The following RCOR3 variants were observed in gnomAD, a reference collection of about 807,000 sequenced individuals.
RCOR3 encodes the protein REST corepressor 3.
RCOR3 carries 13 observed loss-of-function variants against 64.1 expected under a neutral mutation model. The ratio of observed to expected loss-of-function variants is 0.20; its 90% CI spans 0.13 to 0.32. The LOEUF is 0.32. Among genes scored for constraint, RCOR3 ranks in the 10% least tolerant of loss-of-function variants. RCOR3 has a pLI of 1.00. For missense variants in RCOR3, 489 were observed against 701.2 expected (o/e 0.70, Z 3.42); for synonymous variants, 215 against 239.0 (o/e 0.90, Z 0.93).
In RCOR3 at chr1:211,313,936, A is replaced by G. The variant is rs1262047167; in HGVS notation, c.*168A>G. 4 of 649,848 alleles carry G rather than the reference A, an allele frequency of 6.2e-6. No homozygotes were observed. The highest frequency in any genetic ancestry group is 3.0e-5 in the Admixed American group (1 of 33,254). 40.3% of individuals were successfully genotyped at this position (649,848 alleles called of 1,614,324 possible). Reference sequence around the variant, plus strand: ...GGATGTCTAAGAAATTTTTCAGTTCACTAGACTAAAATGTTTTACAACAAA... The same window carrying G: ...GGATGTCTAAGAAATTTTTCAGTTCGCTAGACTAAAATGTTTTACAACAAA... On this transcript the variant is annotated 3_prime_UTR_variant, in exon 12 of 12. Coordinates refer to ENST00000419091, the MANE Select transcript of RCOR3 (RefSeq NM_001136223.3). This position sits in a 1 kb window ranked among gnomAD's most constrained non-coding sequence, Gnocchi z 4.7.
At chr1:211,260,086 A>AT in intron 1 of RCOR3, 22 bp from the exon 2 acceptor site, 3 of 1,575,016 alleles carry the variant, frequency 1.9e-6, no homozygotes, top group Non-Finnish European at 2.6e-6. Context: ...TTTTATATAT[A>AT]TTTTTTGGCA....
chr1:211,259,806 TCTCCCGCC>T, intron 1 of RCOR3, 80 bp downstream of exon 1: 1 of 959,396 alleles, frequency 1.0e-6, no homozygotes, highest in Non-Finnish European at 1.3e-6. Context: ...CCCTCGCCGC[TCTCCCGCC>T]CTCCCTCCCC....
At chr1:211,292,537 C>G (rs778986133) in intron 8 of RCOR3, among the ~76,000 whole-genome samples, 4 of 151,672 alleles carry the variant, frequency 2.6e-5, no homozygotes, top group Non-Finnish European at 5.9e-5. Flanking sequence ...AACTTCCTAA[C>G]TTGGTTATTC....
intron 2 of RCOR3, among the ~76,000 whole-genome samples, chr1:211,270,077 T>TG (rs1043891348): frequency 6.6e-6 from 1 of 151,602 alleles, no homozygotes; most frequent in African/African-American, 2.4e-5. Flanking sequence ...TTTTTTTTTT[T>TG]TTTGAGATGG....
At chr1:211,308,684 G>GTTTTTTTTTTTTTTTT (rs71585833) in intron 10 of RCOR3, among the ~76,000 whole-genome samples, 4 of 42,046 alleles carry the variant, frequency 9.5e-5, no homozygotes, top group Admixed American at 3.0e-4. Flanking sequence ...TTTTTTTTTT[G>GTTTTTTTTTTTTTTTT]TTTTTTTTTT....
chr1:211,261,029 C>T (rs889464125), intron 2 of RCOR3: 10 of 152,242 alleles, frequency 6.6e-5, no homozygotes, highest in African/African-American at 2.4e-4. Flanking sequence ...GAGCGCGTTT[C>T]CTTCTCCCCA....
At position 211,279,320 on chromosome 1, in the gene RCOR3, A is replaced by C; in HGVS notation, c.720+4A>C. 6.3e-7 allele frequency: 1 copy of C among 1,594,732 alleles called. No homozygotes were observed. The highest frequency in any genetic ancestry group is 1.1e-5 in the South Asian group (1 of 90,434). On this transcript the variant is annotated splice_donor_region_variant and intron_variant, in intron 7 of 11. Coordinates refer to ENST00000419091, the MANE Select transcript of RCOR3 (RefSeq NM_001136223.3). ...CAAAAAAGAAGCCAAAAAAGAGGTA[A>C]TGATGATCACTAGAAGTACTTGTGA...
chr1:211,297,250 A>G (rs956130196), intron 9 of RCOR3, among the ~76,000 whole-genome samples: 1 of 152,168 alleles, frequency 6.6e-6, no homozygotes, highest in Non-Finnish European at 1.5e-5. Flanking sequence ...GAAAGATGTT[A>G]AAGTCCAGTA....
At position 211,313,667 on chromosome 1, in the gene RCOR3, C is replaced by A; in HGVS notation, c.1561C>A (p.Pro521Thr). ...PPLIRPANSMPPRLNPRPVLS... is the reference protein window; with the variant it reads ...PPLIRPANSMTPRLNPRPVLS... ...TCTTATTCGCCCTGCTAATTCCATGCCACCCCGTCTAAACCCAAGACCGGT... is the reference window on the plus strand; with the variant it reads ...TCTTATTCGCCCTGCTAATTCCATGACACCCCGTCTAAACCCAAGACCGGT... Residue 521 changes from proline to threonine, a missense_variant, in exon 12 of 12, where the codon CCA becomes ACA. This residue lies in a region of RCOR3 where 402 missense variants were observed against 617.0 expected (regional missense o/e 0.65). Coordinates refer to ENST00000419091, the MANE Select transcript of RCOR3 (RefSeq NM_001136223.3). The surrounding 1 kb of genome is among the most constrained non-coding windows in gnomAD (Gnocchi z 4.7). 2.5e-6 allele frequency: 4 copies of A among 1,614,212 alleles called. No homozygotes were observed. Among genetic ancestry groups the A allele is most frequent in the Non-Finnish European group, 3.4e-6 (4 of 1,180,034 alleles).
intron 9 of RCOR3, among the ~76,000 whole-genome samples, chr1:211,298,195 A>T (rs1296039321): frequency 1.3e-5 from 2 of 152,246 alleles, no homozygotes; most frequent in East Asian, 3.8e-4. Flanking sequence ...AGATGTTATA[A>T]GACAAACTGA....
At chr1:211,290,534 C>T (rs986931759) in intron 8 of RCOR3, among the ~76,000 whole-genome samples, 3 of 151,972 alleles carry the variant, frequency 2.0e-5, no homozygotes, top group Admixed American at 6.6e-5. Context: ...TTTTTTTCTC[C>T]TCATTTTTTT....
chr1:211,274,326 A>AT (rs1289957441), intron 4 of RCOR3, 64 bp downstream of exon 4: 10 of 1,156,752 alleles, frequency 8.6e-6, no homozygotes, highest in Non-Finnish European at 1.3e-5. Context: ...AGATTATCTC[A>AT]TGATAGTTTC....
intron 10 of RCOR3, among the ~76,000 whole-genome samples, chr1:211,309,745 C>T (rs149987643): frequency 1.5e-3 from 226 of 152,302 alleles, no homozygotes; most frequent in African/African-American, 5.1e-3. Context: ...TAATGGAGTG[C>T]CCTTCCCCCA....
intron 9 of RCOR3, among the ~76,000 whole-genome samples, chr1:211,300,071 C>CTTTTTTTTTTTTTTTTTTTTTT (rs11419492): frequency 1.6e-5 from 2 of 121,300 alleles, no homozygotes; most frequent in Admixed American, 9.5e-5. Flanking sequence ...TTCTTTCTTT[C>CTTTTTTTTTTTTTTTTTTTTTT]TTTTTTTTTT....
chr1:211,306,893 A>G (rs1278881040), intron 10 of RCOR3, among the ~76,000 whole-genome samples: 1 of 152,174 alleles, frequency 6.6e-6, no homozygotes, highest in East Asian at 1.9e-4. Flanking sequence ...TTTTAATAGA[A>G]TTCTTCAAGA....
intron 7 of RCOR3, among the ~76,000 whole-genome samples, chr1:211,282,371 T>C (rs780577960): frequency 5.9e-5 from 9 of 152,228 alleles, no homozygotes; most frequent in Non-Finnish European, 8.8e-5. Flanking sequence ...TGTTAACATA[T>C]TACATAGAAA....
At chr1:211,266,926 C>T (rs893093356) in intron 2 of RCOR3, among the ~76,000 whole-genome samples, 7 of 152,150 alleles carry the variant, frequency 4.6e-5, no homozygotes, top group African/African-American at 1.7e-4. Flanking sequence ...TATTCAATTT[C>T]ATTTTCAAGG....
At chr1:211,300,197 A>G (rs569913118) in intron 9 of RCOR3, among the ~76,000 whole-genome samples, 2 of 150,178 alleles carry the variant, frequency 1.3e-5, no homozygotes, top group East Asian at 2.0e-4. Context: ...CAGCCTCCTG[A>G]GTAGCTGGGA....
intron 8 of RCOR3, among the ~76,000 whole-genome samples, chr1:211,294,737 C>T (rs1699677410): frequency 6.6e-6 from 1 of 151,916 alleles, no homozygotes; most frequent in African/African-American, 2.4e-5. Flanking sequence ...CTACAGGCGT[C>T]CGCCACCACG....
Sources: allele counts gnomAD v4.1 joint callset (sites outside exome capture counted in the v4.1 genomes callset), GRCh38; gene constraint gnomAD v4.1.1; regional missense constraint gnomAD v4.1.1; non-coding constraint Gnocchi (gnomAD v3.1); transcripts MANE v1.5; gene names NCBI Gene and HGNC (gene_info 2026-07-23, HGNC 2026-07-21).